The following LAMB1 variants were observed in gnomAD, a reference collection of about 807,000 sequenced individuals.
LAMB1 encodes laminin subunit beta 1.
LAMB1 carries 121 observed loss-of-function variants against 222.3 expected under a neutral mutation model. The observed-to-expected ratio is 0.54, with a 90% CI of 0.47 to 0.63. The LOEUF (loss-of-function observed/expected upper bound fraction) is 0.63. LAMB1 is among the 30% of genes least tolerant of loss of function. The pLI is 0.00. For missense variants in LAMB1, 2,172 were observed against 2,240.8 expected (o/e 0.97, Z 0.62); for synonymous variants, 794 against 807.2 (o/e 0.98, Z 0.28).
chr7:107,966,942 G>A (rs1435895524), intron 13 of LAMB1, among the ~76,000 whole-genome samples: 1 of 152,228 alleles, frequency 6.6e-6, no homozygotes, highest in Non-Finnish European at 1.5e-5. Context: ...AGATAGGCAT[G>A]GCTCTGATTC....
At chr7:108,003,022 A>G in intron 1 of LAMB1, 51 bp from the exon 2 acceptor site, 1 of 1,472,720 alleles carries the variant, frequency 6.8e-7, no homozygotes, top group South Asian at 1.4e-5. Flanking sequence ...AAGAGAGAAG[A>G]GGCGCCCTTC....
intron 2 of LAMB1, chr7:108,002,148 C>A (rs997039595): frequency 1.1e-5 from 16 of 1,451,940 alleles, no homozygotes; most frequent in African/African-American, 1.4e-5. Flanking sequence ...AACCCGCGTG[C>A]ACGCGGCAGC....
intron 27 of LAMB1, 179 bp downstream of exon 27, chr7:107,935,236 G>A: frequency 1.2e-6 from 1 of 841,516 alleles, no homozygotes; most frequent in South Asian, 1.8e-5. Context: ...AATCTGTCTT[G>A]GTTACAGATA....
At chr7:107,975,988 G>C in intron 9 of LAMB1, 111 bp from the exon 10 acceptor site, 1 of 873,160 alleles carries the variant, frequency 1.1e-6, no homozygotes, top group Non-Finnish European at 1.7e-6. Flanking sequence ...CAGACAAAAT[G>C]GCAGTCAACA....
At chr7:108,002,076 G>A (rs2034399033) in intron 2 of LAMB1, 2 of 1,464,352 alleles carry the variant, frequency 1.4e-6, no homozygotes, top group African/African-American at 1.5e-5. Context: ...CCTCCACTTC[G>A]ACGTGTCCGG....
intron 24 of LAMB1, among the ~76,000 whole-genome samples, chr7:107,950,813 G>T (rs1349098569): frequency 6.6e-6 from 1 of 152,132 alleles, no homozygotes; most frequent in Non-Finnish European, 1.5e-5. Context: ...AAGGAAGTTG[G>T]CCACAAAATA....
At chr7:107,955,055 A>G (rs1026504789) in intron 21 of LAMB1, among the ~76,000 whole-genome samples, 1 of 152,190 alleles carries the variant, frequency 6.6e-6, no homozygotes, top group African/African-American at 2.4e-5. Flanking sequence ...AGTGAAGAAT[A>G]TATTCGGCCA....
chr7:107,996,012 CATT>C (rs2034275047), intron 4 of LAMB1, among the ~76,000 whole-genome samples: 1 of 152,132 alleles, frequency 6.6e-6, no homozygotes, highest in African/African-American at 2.4e-5. Context: ...AAAAGAAAAA[CATT>C]ATATTCACAC....
intron 24 of LAMB1, 40 bp from the exon 25 acceptor site, chr7:107,940,398 A>G: frequency 2.5e-6 from 4 of 1,577,930 alleles, no homozygotes; most frequent in Non-Finnish European, 3.5e-6. Flanking sequence ...CTACTTAATC[A>G]TGAACCTCAG....
intron 9 of LAMB1, among the ~76,000 whole-genome samples, chr7:107,977,624 C>T (rs1347905298): frequency 6.6e-6 from 1 of 152,040 alleles, no homozygotes. Flanking sequence ...CTCTCCTCTA[C>T]TAAAATTACA....
intron 15 of LAMB1, 84 bp downstream of exon 15, chr7:107,962,821 C>A (rs951073004): frequency 2.7e-6 from 3 of 1,120,100 alleles, no homozygotes; most frequent in African/African-American, 1.6e-5. Flanking sequence ...TATTTCATAA[C>A]TATATATAAT....
chr7:107,985,721 G>T (rs903034062), intron 7 of LAMB1, among the ~76,000 whole-genome samples: 1 of 152,122 alleles, frequency 6.6e-6, no homozygotes, highest in African/African-American at 2.4e-5. Flanking sequence ...ACTTTGGGAG[G>T]CTGAGGTGAG....
At chr7:107,991,399 C>T (rs2034178841) in intron 5 of LAMB1, among the ~76,000 whole-genome samples, 1 of 152,056 alleles carries the variant, frequency 6.6e-6, no homozygotes, top group African/African-American at 2.4e-5. Flanking sequence ...ACCAGCCTGA[C>T]TAACATGGTG....
intron 5 of LAMB1, among the ~76,000 whole-genome samples, chr7:107,987,767 G>A (rs1213002748): frequency 6.6e-6 from 1 of 152,204 alleles, no homozygotes; most frequent in East Asian, 1.9e-4. Flanking sequence ...CTCCCAAAGT[G>A]AGGGGATTAC....
intron 2 of LAMB1, 163 bp from the exon 3 acceptor site, chr7:108,001,896 G>A (rs1584548918): frequency 2.0e-6 from 3 of 1,467,534 alleles, no homozygotes; most frequent in Non-Finnish European, 2.7e-6. Context: ...GCGCAGGAGA[G>A]GCTGGGAAGG....
chr7:107,989,191 A>G (rs973146508), intron 5 of LAMB1, among the ~76,000 whole-genome samples: 1 of 152,210 alleles, frequency 6.6e-6, no homozygotes. Context: ...GTCAACTGGA[A>G]GTAAAAGATG....
intron 24 of LAMB1, among the ~76,000 whole-genome samples, chr7:107,949,939 T>G (rs1429119919): frequency 6.6e-6 from 1 of 152,148 alleles, no homozygotes; most frequent in Non-Finnish European, 1.5e-5. Flanking sequence ...TTTTAAAAAT[T>G]TAAGAGTCCT....
rs2034417158 is a variant in LAMB1, at chr7:108,002,850, T to C, written c.36A>G (p.Leu12=). ...GLLQLLAFSF[L]ALCRARVRAQ... is the part of the protein sequence containing the mutation. ...CCCGCACCGTTTCCACGGAATTACC[T>C]AAGAAACTGAAAGCTAGCAACTGGA... The change falls in exon 2 of 34, where the codon TTA becomes TTG. Residue 12 remains leucine, a splice_region_variant and synonymous_variant. Coordinates refer to ENST00000222399, the MANE Select transcript of LAMB1 (RefSeq NM_002291.3). The C allele has an allele frequency of 6.2e-7, 1 of 1,613,928 alleles. No homozygotes were observed. Among genetic ancestry groups the C allele is most frequent in the Admixed American group, 1.7e-5 (1 of 59,990 alleles).
intron 5 of LAMB1, among the ~76,000 whole-genome samples, chr7:107,990,902 T>C (rs2034169506): frequency 6.6e-6 from 1 of 152,154 alleles, no homozygotes; most frequent in Non-Finnish European, 1.5e-5. Flanking sequence ...TCACAGCCAG[T>C]TTTTGCATTA....
Sources: allele counts gnomAD v4.1 joint callset (sites outside exome capture counted in the v4.1 genomes callset), GRCh38; gene constraint gnomAD v4.1.1; transcripts MANE v1.5; gene names NCBI Gene and HGNC (gene_info 2026-07-23, HGNC 2026-07-21).